Variants in PELP1 observed in about 807,000 individuals in gnomAD.
PELP1 encodes the protein proline, glutamate and leucine rich protein 1.
PELP1 carries 32 observed loss-of-function variants against 95.5 expected under a neutral mutation model. The ratio of observed to expected loss-of-function variants is 0.34; its 90% CI spans 0.25 to 0.45. The LOEUF is 0.45. PELP1 is among the 20% of genes least tolerant of loss of function. PELP1 has a pLI of 1.00. For missense variants in PELP1, 1,358 were observed against 1,444.8 expected (o/e 0.94, Z 0.97); for synonymous variants, 668 against 600.1 (o/e 1.11, Z -1.65).
intron 1 of PELP1, 76 bp from the exon 2 acceptor site, chr17:4,691,518 G>T: frequency 8.5e-7 from 1 of 1,179,366 alleles, no homozygotes; most frequent in Non-Finnish European, 1.3e-6. Context: ...GCCCTTCTCT[G>T]TCCCAGCACC....
chr17:4,669,807 A>G lies in PELP1; in HGVS notation c.*1632T>C, dbSNP rs1912128053. The G allele has an allele frequency of 1.3e-5, 2 of 152,016 alleles. No individual in the cohort carries two copies. Among genetic ancestry groups the G allele is most frequent in the East Asian group, 1.9e-4 (1 of 5,190 alleles). The allele number at this position is 152,016 out of a possible 1,614,324, so 9.4% of individuals were successfully genotyped here. ...TTAATAGGAAAATTTTAATATCACAATTATCACTGGATTACTGTTATTTTT... is the reference window on the plus strand; with the variant it reads ...TTAATAGGAAAATTTTAATATCACAGTTATCACTGGATTACTGTTATTTTT... On this transcript the variant is annotated 3_prime_UTR_variant, in exon 17 of 17. Coordinates refer to ENST00000572293, the MANE Select transcript of PELP1 (RefSeq NM_014389.3).
chr17:4,671,680 T>G lies in PELP1; in HGVS notation c.3300+11A>C, dbSNP rs1912207175. 6.3e-7 allele frequency: 1 copy of G among 1,585,694 alleles called. No homozygotes were observed. Among genetic ancestry groups the G allele is most frequent in the East Asian group, 2.2e-5 (1 of 44,684 alleles). On this transcript the variant is annotated intron_variant, in intron 16 of 16. Coordinates refer to ENST00000572293, the MANE Select transcript of PELP1 (RefSeq NM_014389.3). ...TCTCGCCCAAGGAACCTTCCCTGCC[T>G]GGCCTCTCACCTTTTCCTGGAGAGC... is the stretch of plus-strand genomic sequence containing the variant.
chr17:4,672,693 G>T lies in PELP1; in HGVS notation c.2298C>A (p.Val766=). 6.2e-7 allele frequency: 1 copy of T among 1,613,408 alleles called. No individual in the cohort carries two copies. The highest frequency in any genetic ancestry group is 8.5e-7 in the Non-Finnish European group (1 of 1,179,678). Residue 766 remains valine (V), a synonymous_variant, in exon 16 of 17, where the codon GTC becomes GTA. Transcript: ENST00000572293. ...FGGRVPRPAF[V]HYDKEEASDV... ...CAGATGCCTCCTCCTTGTCATAGTG[G>T]ACAAAGGCTGGTCTGGGCACTCTCC...
At chr17:4,677,982 G>A (rs937043666) in intron 5 of PELP1, among the ~76,000 whole-genome samples, 5 of 151,920 alleles carry the variant, frequency 3.3e-5, no homozygotes, top group Non-Finnish European at 5.9e-5. Context: ...TTGGGAGGCT[G>A]AGGTGAGCAG....
Position 4,673,464 on chromosome 17 carries a change from G to C in PELP1, c.1639-8C>G, listed in dbSNP as rs2150553118. ...GACCAGGTCATGCAGTCTCTGAAAA[G>C]GACAGAGCACACCTGGAAACATCCC... On this transcript the variant is annotated splice_polypyrimidine_tract_variant and splice_region_variant and intron_variant, in intron 14 of 16. Transcript: ENST00000572293. The surrounding 1 kb of genome is among the most constrained non-coding windows in gnomAD (Gnocchi z 5.7). The C allele has an allele frequency of 1.3e-6, 2 of 1,587,000 alleles. No individual in the cohort carries two copies. The highest frequency in any genetic ancestry group is 1.7e-6 in the Non-Finnish European group (2 of 1,166,052).
chr17:4,675,414 G>C lies in PELP1; in HGVS notation c.1069-52C>G. On this transcript the variant is annotated intron_variant, in intron 9 of 16. Coordinates refer to ENST00000572293, the MANE Select transcript of PELP1 (RefSeq NM_014389.3). This position sits in a 1 kb window ranked among gnomAD's most constrained non-coding sequence, Gnocchi z 4.3. ...GAGTGGAGGAAGAAAGTGAGAGCCA[G>C]AGAGAGACAGAAACAGGGAATGACC... The C allele has an allele frequency of 8.8e-7, 1 of 1,130,488 alleles. No individual in the cohort carries two copies. The highest frequency in any genetic ancestry group is 1.3e-5 in the South Asian group (1 of 75,444). The allele number at this position is 1,130,488 out of a possible 1,614,324, so 70.0% of individuals were successfully genotyped here. A position where few individuals can be genotyped will look rare whatever the true frequency, so the allele number is the denominator to read the frequency against.
Position 4,675,107 on chromosome 17 carries a change from G to A in PELP1, c.1246C>T (p.Leu416Phe). The change falls in exon 11 of 17, where the codon CTC becomes TTC. Residue 416 changes from leucine (L) to phenylalanine (F), a missense_variant. Transcript: ENST00000572293. The surrounding 1 kb of genome is among the most constrained non-coding windows in gnomAD (Gnocchi z 4.3). ...TAAGGCCTCTCCTGGCCTGGAGAGA[G>A]GGAATCTCTACCGATGCTCCAGGAA... ...LNSWSIGRDSLSPGQERPYST... is the reference protein window; with the variant it reads ...LNSWSIGRDSFSPGQERPYST... 2 of 1,613,856 alleles carry A rather than the reference G, an allele frequency of 1.2e-6. No homozygotes were observed. Among genetic ancestry groups the A allele is most frequent in the Non-Finnish European group, 1.7e-6 (2 of 1,179,836 alleles).
chr17:4,683,508 C>G (rs113386647), intron 3 of PELP1, among the ~76,000 whole-genome samples: 1 of 141,780 alleles, frequency 7.1e-6, no homozygotes, highest in Non-Finnish European at 1.5e-5. Context: ...TGTGAGCCAT[C>G]ACGCCCAGCT....
Position 4,693,183 on chromosome 17 carries a change from T to A in PELP1, c.250-1741A>T, listed in dbSNP as rs375542711. ...AACACATGACCCAGCCATTCCACCC[T>A]ACGTATATACCCAAGAGAAATGAAA... is the stretch of plus-strand genomic sequence containing the variant. On this transcript the variant is annotated intron_variant, in intron 1 of 16. Coordinates refer to ENST00000572293, the MANE Select transcript of PELP1 (RefSeq NM_014389.3). Among the ~76,000 whole-genome samples, 196 of 152,324 alleles carry A rather than the reference T, an allele frequency of 1.3e-3. 1 individual carries two copies. Among genetic ancestry groups the A allele is most frequent in the African/African-American group, 4.6e-3 (193 of 41,580 alleles).
chr17:4,672,303 C>T lies in PELP1; in HGVS notation c.2688G>A (p.Glu896=), dbSNP rs1265517666. The T allele has an allele frequency of 1.8e-5, 28 of 1,550,950 alleles. No individual in the cohort carries two copies. Among genetic ancestry groups the T allele is most frequent in the African/African-American group, 2.7e-5 (2 of 72,812 alleles). The change falls in exon 16 of 17, where the codon GAG becomes GAA. Residue 896 remains glutamate (E), a synonymous_variant. Coordinates refer to ENST00000572293, the MANE Select transcript of PELP1 (RefSeq NM_014389.3). ...SDEEEEEEEE[E]EEEEEEEEEE... The stretch of plus-strand genomic sequence containing the variant: ...CCTCTTCTTCCTCTTCTTCTTCTTC[C>T]TCTTCTTCCTCTTCCTCCTCCTCTT...
In PELP1 at chr17:4,689,925, C is replaced by CT. The variant is rs750079403; in HGVS notation, c.420+962dup. The stretch of plus-strand genomic sequence containing the variant: ...CTTGTAATCCCAGCTACTCAGGAGG[C>CT]TGAGGCAAGAGAATTGCTTGAACCC... On this transcript the variant is annotated intron_variant, in intron 3 of 16. Transcript: ENST00000572293. Among the ~76,000 whole-genome samples the CT allele has an allele frequency of 4.1e-4, 62 of 152,082 alleles. 2 individuals carry two copies. The highest frequency in any genetic ancestry group is 2.1e-3 in the Admixed American group (32 of 15,270).
At chr17:4,676,683 AG>A in intron 6 of PELP1, 69 bp downstream of exon 6, 1 of 1,426,682 alleles carries the variant, frequency 7.0e-7, no homozygotes. Context: ...CAGAAAAGCT[AG>A]AGGAGGAGCA....
Position 4,672,773 on chromosome 17 carries a change from G to A in PELP1, c.2218C>T (p.Leu740Phe), listed in dbSNP as rs1456100311. 1.9e-6 allele frequency: 3 copies of A among 1,613,604 alleles called. No individual in the cohort carries two copies. The highest frequency in any genetic ancestry group is 1.3e-5 in the African/African-American group (1 of 74,932). Reference sequence around the variant, plus strand: ...GGTGGGGGAGTCCCACTAGGGGCAAGGATGGGGTCCTCATTTGAGCCTGCC... The same window carrying A: ...GGTGGGGGAGTCCCACTAGGGGCAAAGATGGGGTCCTCATTTGAGCCTGCC... ...HRAGSNEDPI[L>F]APSGTPPPTI... The change falls in exon 16 of 17, where the codon CTT becomes TTT. Residue 740 changes from leucine to phenylalanine, a missense_variant. Around this residue, in one of 7 missense-constraint regions of PELP1, gnomAD observed 340 missense variants for 322.9 expected, o/e 1.05. Coordinates refer to ENST00000572293, the MANE Select transcript of PELP1 (RefSeq NM_014389.3).
intron 5 of PELP1, among the ~76,000 whole-genome samples, chr17:4,680,744 C>T (rs1338962602): frequency 1.3e-5 from 2 of 152,196 alleles, no homozygotes; most frequent in Admixed American, 6.5e-5. Flanking sequence ...GGTGTCCGAT[C>T]GTTTGTCAAA....
At chr17:4,685,369 G>A (rs966870861) in intron 3 of PELP1, among the ~76,000 whole-genome samples, 5 of 152,098 alleles carry the variant, frequency 3.3e-5, no homozygotes, top group African/African-American at 1.2e-4. Flanking sequence ...TCCTTAGTCA[G>A]TTCATCTTCC....
In PELP1 at chr17:4,685,792, T is replaced by TAAAAAAAA. The variant is rs750825796; in HGVS notation, c.421-2848_421-2841dup. Among the ~76,000 whole-genome samples the TAAAAAAAA allele has an allele frequency of 4.8e-3, 575 of 119,526 alleles. 6 individuals are homozygous for TAAAAAAAA. The highest frequency in any genetic ancestry group is 0.013 in the African/African-American group (416 of 32,352). The allele number at this position is 119,526 out of a possible 152,430, so 78.4% of individuals were successfully genotyped here. A position where few individuals can be genotyped will look rare whatever the true frequency, so the allele number is the denominator to read the frequency against. On this transcript the variant is annotated intron_variant, in intron 3 of 16. Transcript: ENST00000572293. ...CAGGTGACAAAATGAAACCATGTCT[T>TAAAAAAAA]AAAAAAAAAAGAACAAAAAAAGGGC... is the stretch of plus-strand genomic sequence containing the variant.
intron 3 of PELP1, among the ~76,000 whole-genome samples, chr17:4,690,120 C>T (rs1413464869): frequency 6.6e-6 from 1 of 152,082 alleles, no homozygotes; most frequent in East Asian, 1.9e-4. Context: ...TAATGGCATT[C>T]GCAGCAACCT....
intron 1 of PELP1, among the ~76,000 whole-genome samples, chr17:4,702,516 G>A (rs1450089345): frequency 3.3e-5 from 5 of 152,158 alleles, no homozygotes; most frequent in African/African-American, 7.2e-5. Flanking sequence ...AATTAGAAGA[G>A]GGGAATTTAG....
At chr17:4,683,531 C>CTTTTTTTTTTTTTTTTTT (rs59870828) in intron 3 of PELP1, among the ~76,000 whole-genome samples, 2 of 96,564 alleles carry the variant, frequency 2.1e-5, no homozygotes, top group African/African-American at 3.8e-5. Flanking sequence ...GTTTTCTTTT[C>CTTTTTTTTTTTTTTTTTT]TTTTTTTTTT....
Sources: allele counts gnomAD v4.1 joint callset (sites outside exome capture counted in the v4.1 genomes callset), GRCh38; gene constraint gnomAD v4.1.1; regional missense constraint gnomAD v4.1.1; non-coding constraint Gnocchi (gnomAD v3.1); transcripts MANE v1.5; gene names NCBI Gene and HGNC (gene_info 2026-07-23, HGNC 2026-07-21).